The following CTNNA2 variants were observed in gnomAD, a reference collection of about 807,000 sequenced individuals.
CTNNA2 encodes the protein catenin alpha-2.
Under a neutral mutation model 101.0 loss-of-function variants are expected in CTNNA2, and 42 were observed. The observed-to-expected ratio is 0.42, with a 90% CI of 0.32 to 0.54. The LOEUF (loss-of-function observed/expected upper bound fraction) is 0.54, where lower values mean the gene tolerates loss of function less well. Ranked by LOEUF, CTNNA2 falls within the 20% of genes least tolerant of loss-of-function variation. The probability of loss-of-function intolerance (pLI) is 0.14; values close to 1 mark genes in which losing one functional copy is unlikely to be tolerated. For synonymous variants in CTNNA2, 450 were observed against 456.4 expected (o/e 0.99, Z 0.18); for missense variants, 871 against 1,223.1 (o/e 0.71, Z 4.29).
chr2:80,013,819 G>C (rs1162481519), intron 7 of CTNNA2, among the ~76,000 whole-genome samples: 3 of 152,286 alleles, frequency 2.0e-5, no homozygotes, highest in Non-Finnish European at 4.4e-5. Flanking sequence ...AAGTGAACAG[G>C]TATTTTACTC....
At chr2:80,105,549 C>A (rs138333251) in intron 7 of CTNNA2, among the ~76,000 whole-genome samples, 1 of 152,050 alleles carries the variant, frequency 6.6e-6, no homozygotes, top group Non-Finnish European at 1.5e-5. Context: ...CATAGTGAGA[C>A]CCCATCTCTA....
chr2:80,249,547 T>A lies in CTNNA2; in HGVS notation c.1057-143664T>A, dbSNP rs184429194. ...GCTGGAAGATAGTTTTAACTTAATC[T>A]TCACCAACAAACTACTATTATTATA... On this transcript the variant is annotated intron_variant, in intron 7 of 18. Transcript: ENST00000402739. Among the ~76,000 whole-genome samples, 275 of 152,284 alleles carry A rather than the reference T, an allele frequency of 1.8e-3. 1 individual carries two copies. Among genetic ancestry groups the A allele is most frequent in the African/African-American group, 6.4e-3 (266 of 41,542 alleles).
chr2:79,647,913 G>C (rs1003345716), intron 1 of CTNNA2, among the ~76,000 whole-genome samples: 9 of 152,272 alleles, frequency 5.9e-5, no homozygotes, highest in African/African-American at 2.2e-4. Flanking sequence ...TGGACCAGTA[G>C]GTTATATGTG....
rs969694247 is a variant in CTNNA2, at chr2:79,554,963, A to G, written c.-6+41756A>G. Among the ~76,000 whole-genome samples the G allele has an allele frequency of 2.8e-4, 43 of 152,182 alleles. 1 individual carries two copies. The highest frequency in any genetic ancestry group is 1.5e-5 in the Non-Finnish European group (1 of 68,020). ...ATATTTTAAATGCCATTTAGCAGCCATTTAATTGCATTTGCTCATTTTCAA... is the reference window on the plus strand; with the variant it reads ...ATATTTTAAATGCCATTTAGCAGCCGTTTAATTGCATTTGCTCATTTTCAA... On this transcript the variant is annotated intron_variant, in intron 1 of 18. Transcript: ENST00000402739.
chr2:79,213,083 T>A (rs1674197434), intron 2 of CTNNA2, among the ~76,000 whole-genome samples: 1 of 152,070 alleles, frequency 6.6e-6, no homozygotes, highest in African/African-American at 2.4e-5. Flanking sequence ...CCATTTGCCT[T>A]GTGTGGGAAG....
rs1020376250 is a variant in CTNNA2, at chr2:80,075,249, C to A, written c.1056+165452C>A. Reference sequence around the variant, plus strand: ...ATATTCCTAAGCCATCCATCCTGTACCATCTAAGATGTTAGGGCAAAGTGG... The same window carrying A: ...ATATTCCTAAGCCATCCATCCTGTAACATCTAAGATGTTAGGGCAAAGTGG... On this transcript the variant is annotated intron_variant, in intron 7 of 18. Coordinates refer to ENST00000402739, the MANE Select transcript of CTNNA2 (RefSeq NM_001282597.3). Among the ~76,000 whole-genome samples the A allele has an allele frequency of 3.9e-5, 6 of 152,148 alleles. No homozygotes were observed. The East Asian group carries it at 1.2e-3, about 29-fold the overall frequency.
intron 9 of CTNNA2, among the ~76,000 whole-genome samples, chr2:80,530,060 T>C (rs1296314401): frequency 6.6e-6 from 1 of 152,018 alleles, no homozygotes; most frequent in Non-Finnish European, 1.5e-5. Context: ...TGAAAGCAAA[T>C]GCATCTGTGG....
chr2:79,339,431 G>A (rs1162928742), intron 3 of CTNNA2, among the ~76,000 whole-genome samples: 1 of 152,106 alleles, frequency 6.6e-6, no homozygotes, highest in Non-Finnish European at 1.5e-5. Context: ...ACATATTAAG[G>A]GAAGGCAAGC....
At chr2:80,271,661 A>T (rs1673500579) in intron 7 of CTNNA2, among the ~76,000 whole-genome samples, 1 of 152,094 alleles carries the variant, frequency 6.6e-6, no homozygotes, top group South Asian at 2.1e-4. Flanking sequence ...TGACCTCGTG[A>T]TCTACCTGCC....
rs1216702402 is a variant in CTNNA2 at position 79,858,025 on chromosome 2, G to A, written c.311G>A (p.Arg104Gln). ...GTCTGTCTTCCAGGTGAGACGATGC[G>A]GATCGCCTCCTCCGAGTTTGCAGAT... ...EDVRKQGETMRIASSEFADDP... is the reference protein window; with the variant it reads ...EDVRKQGETMQIASSEFADDP... Residue 104 changes from arginine to glutamine, a missense_variant, in exon 4 of 19, where the codon CGG (arginine) becomes CAG (glutamine). Arg to Gln is a conservative substitution (Grantham distance 43). Coordinates refer to ENST00000402739, the MANE Select transcript of CTNNA2 (RefSeq NM_001282597.3). 3.1e-6 allele frequency: 5 copies of A among 1,612,914 alleles called. No individual in the cohort carries two copies. The highest frequency in any genetic ancestry group is 1.7e-5 in the Admixed American group (1 of 59,980).
At chr2:79,764,160 T>TA (rs1221870717) in intron 3 of CTNNA2, among the ~76,000 whole-genome samples, 7 of 152,214 alleles carry the variant, frequency 4.6e-5, no homozygotes, top group African/African-American at 1.2e-4. Flanking sequence ...CACTCAGTGT[T>TA]AAAAATTGGA....
intron 4 of CTNNA2, among the ~76,000 whole-genome samples, chr2:79,489,235 A>G (rs974935648): frequency 2.0e-5 from 3 of 152,152 alleles, no homozygotes; most frequent in African/African-American, 7.2e-5. Flanking sequence ...TAAGAATGGT[A>G]TGGTAACTGA....
At chr2:80,068,491 A>T (rs80051682) in intron 7 of CTNNA2, among the ~76,000 whole-genome samples, 14 of 152,286 alleles carry the variant, frequency 9.2e-5, no homozygotes, top group African/African-American at 3.1e-4. Context: ...CATTGCATGA[A>T]TTTTTTTAAA....
intron 7 of CTNNA2, among the ~76,000 whole-genome samples, chr2:80,376,865 C>G (rs966691049): frequency 6.6e-6 from 1 of 152,156 alleles, no homozygotes; most frequent in Admixed American, 6.5e-5. Context: ...GGGGATCTCC[C>G]TCTTTCTGGC....
Position 79,406,678 on chromosome 2 carries a change from T to C in CTNNA2, c.-135+32665T>C, listed in dbSNP as rs537280001. ...CATAGTCACCTTGGTTAGGGTCTCATTTATTTTAAATCTGCTATACTTTTA... is the reference window on the plus strand; with the variant it reads ...CATAGTCACCTTGGTTAGGGTCTCACTTATTTTAAATCTGCTATACTTTTA... On this transcript the variant is annotated intron_variant, in intron 4 of 21. Transcript: ENST00000466387. 3.3e-5 allele frequency among the ~76,000 whole-genome samples: 5 copies of C among 152,134 alleles called. No homozygotes were observed. In the East Asian group the frequency reaches 9.7e-4, roughly 30 times the overall value.
intron 8 of CTNNA2, among the ~76,000 whole-genome samples, chr2:80,416,538 C>T (rs1680063839): frequency 6.6e-6 from 1 of 151,968 alleles, no homozygotes; most frequent in Non-Finnish European, 1.5e-5. Context: ...TTTCTTCTAC[C>T]TTTAAACGCA....
Position 80,189,142 on chromosome 2 carries a change from C to T in CTNNA2, c.1057-204069C>T, listed in dbSNP as rs541938747. 2.2e-4 allele frequency among the ~76,000 whole-genome samples: 34 copies of T among 151,798 alleles called. 1 individual carries two copies. In the South Asian group the frequency reaches 5.8e-3, roughly 26 times the overall value. ...TAATTTTTTGTATTTTTAGTAGAGACGAGGTTTCACCATGTTGGCCTGGCT... is the reference window on the plus strand; with the variant it reads ...TAATTTTTTGTATTTTTAGTAGAGATGAGGTTTCACCATGTTGGCCTGGCT... On this transcript the variant is annotated intron_variant, in intron 7 of 18. Transcript: ENST00000402739.
At chr2:80,441,769 A>C (rs1682605382) in intron 9 of CTNNA2, among the ~76,000 whole-genome samples, 2 of 152,226 alleles carry the variant, frequency 1.3e-5, no homozygotes, top group Admixed American at 1.3e-4. Flanking sequence ...AAGGTCACAC[A>C]AGAAATAAGT....
intron 1 of CTNNA2, among the ~76,000 whole-genome samples, chr2:79,524,005 T>C (rs374167131): frequency 6.6e-6 from 1 of 152,104 alleles, no homozygotes; most frequent in Non-Finnish European, 1.5e-5. Flanking sequence ...ATTAATGATA[T>C]ACTATTAAAA....
Sources: gnomAD v4.1 joint callset for allele counts (sites outside exome capture counted in the v4.1 genomes callset) on GRCh38, gnomAD v4.1.1 for gene constraint, MANE v1.5 for transcripts, NCBI Gene and HGNC (gene_info 2026-07-23, HGNC 2026-07-21) for gene names.